The following PPA2 variants were observed in gnomAD, a reference collection of about 807,000 sequenced individuals.
PPA2 encodes inorganic pyrophosphatase 2.
Under a neutral mutation model 49.5 loss-of-function variants are expected in PPA2, and 48 were observed. The observed-to-expected ratio is 0.97, with a 90% CI of 0.77 to 1.23. The LOEUF is 1.23. Ranked by LOEUF, PPA2 falls within the 50% of genes most tolerant of loss-of-function variation. The pLI is 0.00. For missense variants in PPA2, 429 were observed against 410.1 expected (o/e 1.05, Z -0.40); for synonymous variants, 131 against 139.9 (o/e 0.94, Z 0.45).
At chr4:105,402,983 C>T (rs1449168775) in intron 7 of PPA2, among the ~76,000 whole-genome samples, 2 of 151,652 alleles carry the variant, frequency 1.3e-5, no homozygotes, top group African/African-American at 4.9e-5. Context: ...AAAATTCTTT[C>T]TTTTTCTTTC....
intron 1 of PPA2, among the ~76,000 whole-genome samples, chr4:105,458,721 C>G (rs1289346899): frequency 1.4e-5 from 2 of 146,722 alleles, no homozygotes; most frequent in East Asian, 2.1e-4. Flanking sequence ...ACTCAGGAAG[C>G]TGAGGCAGGA....
At chr4:105,460,152 A>T (rs1236422275) in intron 1 of PPA2, among the ~76,000 whole-genome samples, 1 of 152,258 alleles carries the variant, frequency 6.6e-6, no homozygotes, top group Non-Finnish European at 1.5e-5. Context: ...ACAATCGCAG[A>T]TCGAAAATAT....
intron 3 of PPA2, among the ~76,000 whole-genome samples, chr4:105,450,824 G>C (rs1244964136): frequency 1.3e-5 from 2 of 151,964 alleles, no homozygotes; most frequent in Non-Finnish European, 2.9e-5. Context: ...AGCCAGGATG[G>C]TCTCGATCTC....
At chr4:105,406,622 G>A (rs2636748) in intron 7 of PPA2, among the ~76,000 whole-genome samples, 56,837 of 151,994 alleles carry the variant, frequency 0.37, 12,576 homozygotes, top group East Asian at 0.67. Flanking sequence ...ATTAGTTCCA[G>A]GACCACCACC....
intron 7 of PPA2, among the ~76,000 whole-genome samples, chr4:105,418,647 T>C (rs1723115316): frequency 6.6e-6 from 1 of 152,238 alleles, no homozygotes. Context: ...TTGTTTTAAA[T>C]CTTTCATTTT....
chr4:105,397,861 C>T (rs1414364708), intron 8 of PPA2, among the ~76,000 whole-genome samples: 1 of 152,192 alleles, frequency 6.6e-6, no homozygotes, highest in African/African-American at 2.4e-5. Context: ...CAGATGCCAG[C>T]ACCATGCTTC....
At chr4:105,449,436 T>A in intron 3 of PPA2, 33 bp from the exon 4 acceptor site, 1 of 1,407,424 alleles carries the variant, frequency 7.1e-7, no homozygotes, top group Non-Finnish European at 9.8e-7. Context: ...GAGAGAACAT[T>A]AAAAATTTTA....
At chr4:105,406,346 T>C (rs1036551032) in intron 7 of PPA2, among the ~76,000 whole-genome samples, 1 of 152,114 alleles carries the variant, frequency 6.6e-6, no homozygotes, top group Non-Finnish European at 1.5e-5. Context: ...AATATGTGTA[T>C]TTAGTCTCAG....
chr4:105,424,518 C>T (rs751233910), intron 6 of PPA2, among the ~76,000 whole-genome samples, 196 bp from the exon 7 acceptor site: 5 of 152,182 alleles, frequency 3.3e-5, no homozygotes, highest in African/African-American at 1.2e-4. Flanking sequence ...TTTCCACTTT[C>T]ACCAATGACT....
At chr4:105,392,153 C>T (rs1733948384) in intron 9 of PPA2, among the ~76,000 whole-genome samples, 2 of 152,002 alleles carry the variant, frequency 1.3e-5, no homozygotes, top group Admixed American at 1.3e-4. Flanking sequence ...AATGATTTCT[C>T]CCAGAATCAA....
intron 3 of PPA2, among the ~76,000 whole-genome samples, chr4:105,450,229 T>G (rs1246838587): frequency 6.6e-6 from 1 of 152,198 alleles, no homozygotes; most frequent in Non-Finnish European, 1.5e-5. Context: ...TTTAAAACAC[T>G]GTACTCCAAG....
intron 1 of PPA2, among the ~76,000 whole-genome samples, chr4:105,458,162 G>T (rs1722942536): frequency 6.6e-6 from 1 of 151,852 alleles, no homozygotes. Context: ...TGAGAGAGAA[G>T]AAACAAATCC....
intron 6 of PPA2, among the ~76,000 whole-genome samples, chr4:105,432,639 G>C (rs1319248498): frequency 6.6e-6 from 1 of 152,188 alleles, no homozygotes. Flanking sequence ...GCGGCCTACG[G>C]GCAGCATGCA....
At chr4:105,435,658 A>C (rs1724020742) in intron 6 of PPA2, among the ~76,000 whole-genome samples, 1 of 152,204 alleles carries the variant, frequency 6.6e-6, no homozygotes. Flanking sequence ...GAACATATGC[A>C]AATCAATAAA....
intron 2 of PPA2, among the ~76,000 whole-genome samples, chr4:105,455,445 A>C (rs571825364): frequency 5.9e-5 from 9 of 152,330 alleles, no homozygotes; most frequent in African/African-American, 2.2e-4. Context: ...AGAAGTGAGG[A>C]GTACAAACTC....
At chr4:105,456,775 C>T in intron 1 of PPA2, 30 bp from the exon 2 acceptor site, 1 of 1,549,360 alleles carries the variant, frequency 6.5e-7, no homozygotes, top group South Asian at 1.2e-5. Flanking sequence ...CAAAACAAAA[C>T]AGAATTAAAG....
chr4:105,469,097 G>A (rs961085505), intron 1 of PPA2, among the ~76,000 whole-genome samples: 2 of 151,990 alleles, frequency 1.3e-5, no homozygotes, highest in African/African-American at 4.8e-5. Context: ...TGTTGTTTTA[G>A]GGTTACCCTT....
intron 1 of PPA2, among the ~76,000 whole-genome samples, chr4:105,457,825 G>A (rs1026045832): frequency 2.6e-5 from 4 of 152,126 alleles, no homozygotes; most frequent in Non-Finnish European, 4.4e-5. Flanking sequence ...TGGGCCTCCC[G>A]AAGTATAGGG....
intron 1 of PPA2, among the ~76,000 whole-genome samples, chr4:105,463,684 G>T (rs1204071767): frequency 1.3e-5 from 2 of 152,218 alleles, no homozygotes; most frequent in East Asian, 1.9e-4. Flanking sequence ...GCAGCCTAGG[G>T]AGTTGGTGCC....
Sources: gnomAD v4.1 joint callset for allele counts (sites outside exome capture counted in the v4.1 genomes callset) on GRCh38, gnomAD v4.1.1 for gene constraint, MANE v1.5 for transcripts, NCBI Gene and HGNC (gene_info 2026-07-23, HGNC 2026-07-21) for gene names.